INPP4B: variants seen among roughly 807,000 people sequenced by gnomAD.
INPP4B encodes the protein inositol polyphosphate-4-phosphatase type II B, also known as inositol polyphosphate 4-phosphatase type II.
INPP4B carries 55 observed loss-of-function variants against 122.5 expected under a neutral mutation model. The observed-to-expected ratio is 0.45, with a 90% confidence interval of 0.36 to 0.56. INPP4B has a LOEUF of 0.56. INPP4B is among the 20% of genes least tolerant of loss of function. The probability of loss-of-function intolerance (pLI) is 0.00; values close to 1 mark genes in which losing one functional copy is unlikely to be tolerated. For synonymous variants in INPP4B, 403 were observed against 388.7 expected (o/e 1.04, Z -0.43); for missense variants, 1,000 against 1,097.7 (o/e 0.91, Z 1.26).
intron 2 of INPP4B, among the ~76,000 whole-genome samples, chr4:142,675,334 T>C (rs1266691634): frequency 6.6e-6 from 1 of 151,848 alleles, no homozygotes; most frequent in African/African-American, 2.4e-5. Flanking sequence ...CAATAACAAG[T>C]TCTGAAATTG....
In INPP4B at chr4:142,786,183, T is replaced by C. The variant is rs531251119; in HGVS notation, c.-254+60026A>G. ...GAACCTGGGCTCTTTGGATAAATGG[T>C]TGATTCTAGGACTGAGGCAAGAAAT... is the stretch of plus-strand genomic sequence containing the variant. On this transcript the variant is annotated intron_variant, in intron 1 of 25. Coordinates refer to ENST00000262992, the MANE Select transcript of INPP4B (RefSeq NM_001101669.3). Among the ~76,000 whole-genome samples, 10 of 152,140 alleles carry C rather than the reference T, an allele frequency of 6.6e-5. No individual in the cohort carries two copies. The East Asian group carries it at 1.4e-3, about 21-fold the overall frequency.
At chr4:142,733,197 C>T (rs1766346712) in intron 1 of INPP4B, among the ~76,000 whole-genome samples, 1 of 152,062 alleles carries the variant, frequency 6.6e-6, no homozygotes, top group African/African-American at 2.4e-5. Context: ...ATGTTCAAAA[C>T]AAAACAATAA....
chr4:142,148,910 T>C (rs537967308), intron 17 of INPP4B, among the ~76,000 whole-genome samples: 1 of 152,342 alleles, frequency 6.6e-6, no homozygotes, highest in East Asian at 1.9e-4. Context: ...AATTGAGCAG[T>C]CTCTTCTGTG....
rs1580867685 is a variant in INPP4B at position 142,767,518 on chromosome 4, C to T, written c.-253-41617G>A. The T allele has an allele frequency of 3.9e-5, 6 of 152,298 alleles. 1 individual carries two copies. Among genetic ancestry groups the T allele is most frequent in the Admixed American group, 3.9e-4 (6 of 15,286 alleles). 9.4% of individuals were successfully genotyped at this position (152,298 alleles called of 1,614,324 possible). On this transcript the variant is annotated intron_variant, in intron 1 of 25. Coordinates refer to ENST00000262992, the MANE Select transcript of INPP4B (RefSeq NM_001101669.3). Reference sequence around the variant, plus strand: ...CTCTTTCACTTTCCAGGTGTAAAGTCTTAGGCAAGTAACTTAGCTTAGCCT... The same window carrying T: ...CTCTTTCACTTTCCAGGTGTAAAGTTTTAGGCAAGTAACTTAGCTTAGCCT...
At chr4:142,384,747 A>T (rs1043720527) in intron 7 of INPP4B, among the ~76,000 whole-genome samples, 7 of 152,090 alleles carry the variant, frequency 4.6e-5, no homozygotes, top group Non-Finnish European at 1.0e-4. Flanking sequence ...AACTCGTGTC[A>T]TGGGGGTTTG....
At chr4:142,214,844 C>A (rs574481070) in intron 12 of INPP4B, among the ~76,000 whole-genome samples, 1 of 152,158 alleles carries the variant, frequency 6.6e-6, no homozygotes, top group Admixed American at 6.5e-5. Flanking sequence ...TGAGCCACTG[C>A]GCCCGACCCA....
intron 1 of INPP4B, among the ~76,000 whole-genome samples, chr4:142,744,689 A>T (rs953412416): frequency 3.3e-5 from 5 of 151,988 alleles, no homozygotes; most frequent in Admixed American, 3.3e-4. Context: ...TCCTTCAAAA[A>T]TAAGGTAAAA....
At chr4:142,791,357 A>G (rs1007371130) in intron 1 of INPP4B, among the ~76,000 whole-genome samples, 1 of 152,150 alleles carries the variant, frequency 6.6e-6, no homozygotes, top group Admixed American at 6.6e-5. Flanking sequence ...AAATGGCTGT[A>G]TACTAAAGGG....
In INPP4B at chr4:142,313,656, C is replaced by G. The variant is rs150598189; in HGVS notation, c.423+1056G>C. ...GGAAGTAAATGAAGGTTTGTGTAGTCAGCACAGAGATTGGTAGTAGAAGTG... is the reference window on the plus strand; with the variant it reads ...GGAAGTAAATGAAGGTTTGTGTAGTGAGCACAGAGATTGGTAGTAGAAGTG... On this transcript the variant is annotated intron_variant, in intron 8 of 25. Coordinates refer to ENST00000262992, the MANE Select transcript of INPP4B (RefSeq NM_001101669.3). Among the ~76,000 whole-genome samples the G allele has an allele frequency of 2.8e-4, 43 of 152,234 alleles. No homozygotes were observed. The East Asian group carries it at 7.6e-3, about 27-fold the overall frequency.
intron 2 of INPP4B, among the ~76,000 whole-genome samples, chr4:142,712,627 A>G (rs1230465634): frequency 2.6e-5 from 4 of 152,256 alleles, no homozygotes; most frequent in African/African-American, 9.6e-5. Context: ...CATGAATTCT[A>G]GCCAATCACA....
intron 7 of INPP4B, among the ~76,000 whole-genome samples, chr4:142,355,364 T>A (rs1487565551): frequency 6.6e-6 from 1 of 151,836 alleles, no homozygotes; most frequent in Admixed American, 6.6e-5. Context: ...GATTTGCTCT[T>A]TTTTTTCCCC....
chr4:142,318,440 A>G (rs1027515909), intron 7 of INPP4B, among the ~76,000 whole-genome samples: 9 of 152,170 alleles, frequency 5.9e-5, no homozygotes, highest in Non-Finnish European at 1.5e-5. Context: ...ATTCTGGTTC[A>G]CCGACAATGT....
chr4:142,073,399 G>C (rs953775217), intron 25 of INPP4B, among the ~76,000 whole-genome samples: 2 of 152,228 alleles, frequency 1.3e-5, no homozygotes, highest in East Asian at 3.9e-4. Context: ...CATAAATACA[G>C]TTGCCTCCCA....
At chr4:142,371,006 AG>A (rs776348123) in intron 7 of INPP4B, among the ~76,000 whole-genome samples, 34 of 152,170 alleles carry the variant, frequency 2.2e-4, no homozygotes, top group Non-Finnish European at 2.9e-4. Flanking sequence ...ACAAAGCTGA[AG>A]GCACCACACT....
intron 10 of INPP4B, among the ~76,000 whole-genome samples, chr4:142,261,504 T>A (rs1739983443): frequency 6.6e-6 from 1 of 152,026 alleles, no homozygotes; most frequent in South Asian, 2.1e-4. Context: ...ACACAAAAAT[T>A]GCAGAAAGTT....
In INPP4B at chr4:142,080,822, T is replaced by C. The variant is rs139904098; in HGVS notation, c.2642+1209A>G. On this transcript the variant is annotated intron_variant, in intron 25 of 25. Transcript: ENST00000262992. ...TTTCTCACCAAGCACCTTTGTTCCA[T>C]CTATAGTGACATTTCTGTTCTTTTT... is the stretch of plus-strand genomic sequence containing the variant. Among the ~76,000 whole-genome samples the C allele has an allele frequency of 2.5e-4, 38 of 152,286 alleles. No homozygotes were observed. In the East Asian group the frequency reaches 6.0e-3, roughly 24 times the overall value.
chr4:142,816,558 T>TA (rs530357263), intron 1 of INPP4B, among the ~76,000 whole-genome samples: 41 of 151,666 alleles, frequency 2.7e-4, no homozygotes, highest in Non-Finnish European at 3.8e-4. Context: ...TTTCTCATCT[T>TA]AAAAAAAACA....
At chr4:142,136,607 C>T (rs570457990) in intron 18 of INPP4B, among the ~76,000 whole-genome samples, 1 of 152,086 alleles carries the variant, frequency 6.6e-6, no homozygotes, top group African/African-American at 2.4e-5. Context: ...ATGACTGGAT[C>T]ATGGAGGATG....
chr4:142,648,074 G>C (rs1164997909), intron 2 of INPP4B, among the ~76,000 whole-genome samples: 1 of 152,214 alleles, frequency 6.6e-6, no homozygotes, highest in Non-Finnish European at 1.5e-5. Context: ...GGAACTCACT[G>C]CTTCTCTTCA....
Sources: gnomAD v4.1 joint callset for allele counts (sites outside exome capture counted in the v4.1 genomes callset) on GRCh38, gnomAD v4.1.1 for gene constraint, MANE v1.5 for transcripts, NCBI Gene and HGNC (gene_info 2026-07-23, HGNC 2026-07-21) for gene names.